The following SESTD1 variants were observed in gnomAD, a reference collection of about 807,000 sequenced individuals.
SESTD1 encodes the protein SEC14 domain and spectrin repeat-containing protein 1.
Under a neutral mutation model 101.7 loss-of-function variants are expected in SESTD1, and 43 were observed. The ratio of observed to expected loss-of-function variants is 0.42; its 90% CI spans 0.33 to 0.55. The LOEUF (loss-of-function observed/expected upper bound fraction) is 0.55. Among genes scored for constraint, SESTD1 ranks in the 20% least tolerant of loss-of-function variants. SESTD1 has a pLI of 0.07. For synonymous variants in SESTD1, 283 were observed against 286.8 expected, an observed-to-expected ratio of 0.99 and a Z score of 0.13; for missense variants, 647 against 815.1, an observed-to-expected ratio of 0.79 and a Z score of 2.51.
chr2:179,124,148 T>C (rs1238473712), intron 11 of SESTD1, among the ~76,000 whole-genome samples: 2 of 152,080 alleles, frequency 1.3e-5, no homozygotes, highest in African/African-American at 4.8e-5. Flanking sequence ...TGGAACACTC[T>C]AGTTAGACAA....
At chr2:179,234,168 TACAACATCAGCTCTTCC>T (rs1352263440) in intron 1 of SESTD1, among the ~76,000 whole-genome samples, 1 of 152,182 alleles carries the variant, frequency 6.6e-6, no homozygotes, top group Non-Finnish European at 1.5e-5. Context: ...AGACTTCATT[TACAACATCAGCTCTTCC>T]ACAACATCAG....
At chr2:179,129,608 TTGTA>T (rs1168948314) in intron 10 of SESTD1, among the ~76,000 whole-genome samples, 1 of 152,170 alleles carries the variant, frequency 6.6e-6, no homozygotes, top group African/African-American at 2.4e-5. Flanking sequence ...TAATGCAAGA[TTGTA>T]TGTTAAAAGT....
chr2:179,242,369 C>CTAATG lies in SESTD1; in HGVS notation c.-26+22129_-26+22130insCATTA, dbSNP rs1164042143. Among the ~76,000 whole-genome samples, 4 of 152,070 alleles carry CTAATG rather than the reference C, an allele frequency of 2.6e-5. No individual in the cohort carries two copies. In the East Asian group the frequency reaches 7.7e-4, roughly 29 times the overall value. ...GTTCATGAATTGGAAGAATCAACAT[C>CTAATG]ATTAAAATGGCCATACTGCCCAAAG... On this transcript the variant is annotated intron_variant, in intron 1 of 17. Transcript: ENST00000428443.
intron 1 of SESTD1, among the ~76,000 whole-genome samples, chr2:179,219,057 A>ACCC (rs2046766807): frequency 2.0e-5 from 3 of 152,190 alleles, no homozygotes; most frequent in Admixed American, 2.0e-4. Context: ...TTTTCCTTCC[A>ACCC]GCTGTCTATC....
At position 179,109,839 on chromosome 2, in the gene SESTD1, T is replaced by C. The variant is rs1245924174; in HGVS notation, c.*60A>G. The C allele has an allele frequency of 6.3e-7, 1 of 1,588,764 alleles. No homozygotes were observed. Among genetic ancestry groups the C allele is most frequent in the Non-Finnish European group, 8.6e-7 (1 of 1,166,552 alleles). On this transcript the variant is annotated 3_prime_UTR_variant, in exon 18 of 18. Coordinates refer to ENST00000428443, the MANE Select transcript of SESTD1 (RefSeq NM_178123.5). ...CATCTTAAGGTGTGGTGGCTAATGC[T>C]GTAGTATGTTGACAACATGCGGGAT...
rs181894635 is a variant in SESTD1, at chr2:179,253,821, G to T, written c.-26+10678C>A. Reference sequence around the variant, plus strand: ...TTACACCTTTTAAATTTTGAGGCCAGGCACAGTGGCTCACACCTGTAACCC... The same window carrying T: ...TTACACCTTTTAAATTTTGAGGCCATGCACAGTGGCTCACACCTGTAACCC... On this transcript the variant is annotated intron_variant, in intron 1 of 17. Coordinates refer to ENST00000428443, the MANE Select transcript of SESTD1 (RefSeq NM_178123.5). Among the ~76,000 whole-genome samples the T allele has an allele frequency of 1.3e-3, 193 of 152,258 alleles. 1 individual carries two copies. The highest frequency in any genetic ancestry group is 4.4e-3 in the African/African-American group (183 of 41,542).
In SESTD1 at chr2:179,109,571, G is replaced by T. The variant is rs965495369; in HGVS notation, c.*328C>A. 2.8e-5 allele frequency: 11 copies of T among 397,204 alleles called. No individual in the cohort carries two copies. Among genetic ancestry groups the T allele is most frequent in the Non-Finnish European group, 4.0e-5 (9 of 225,330 alleles). 24.6% of individuals were successfully genotyped at this position (397,204 alleles called of 1,614,324 possible). ...CTTTTTTTTTTCTTTTTAATAGAGA[G>T]AATTCCTACTCTTATTAGCACCATT... On this transcript the variant is annotated 3_prime_UTR_variant, in exon 18 of 18. Transcript: ENST00000428443.
chr2:179,218,114 G>C (rs992962095), intron 1 of SESTD1, among the ~76,000 whole-genome samples: 1 of 152,042 alleles, frequency 6.6e-6, no homozygotes, highest in African/African-American at 2.4e-5. Context: ...ATGTACCCTA[G>C]AACTTAAAGT....
intron 2 of SESTD1, among the ~76,000 whole-genome samples, chr2:179,188,129 T>A (rs1205289058): frequency 6.6e-6 from 1 of 152,152 alleles, no homozygotes; most frequent in Non-Finnish European, 1.5e-5. Flanking sequence ...AGAATATACA[T>A]TCTTCTCATC....
rs1435290445 is a variant in SESTD1 at position 179,199,926 on chromosome 2, G to A, written c.-25-8060C>T. 3.9e-5 allele frequency among the ~76,000 whole-genome samples: 6 copies of A among 151,998 alleles called. No individual in the cohort carries two copies. The South Asian group carries it at 1.2e-3, about 32-fold the overall frequency. ...CATAGTGTTGGAAGTTCTGGCCAGG[G>A]CAATTAGGCAGGAGAAGGAAATAAA... On this transcript the variant is annotated intron_variant, in intron 1 of 17. Coordinates refer to ENST00000428443, the MANE Select transcript of SESTD1 (RefSeq NM_178123.5).
At chr2:179,193,876 G>A (rs1038695080) in intron 1 of SESTD1, among the ~76,000 whole-genome samples, 10 of 152,062 alleles carry the variant, frequency 6.6e-5, no homozygotes, top group East Asian at 5.8e-4. Flanking sequence ...GAATCCTCCC[G>A]GCCACCAGGT....
intron 4 of SESTD1, chr2:179,174,589 G>T (rs941687547): frequency 8.0e-6 from 3 of 373,576 alleles, no homozygotes; most frequent in African/African-American, 6.5e-5. Context: ...ATATAAAAGT[G>T]CTGGAAGCAC....
In SESTD1 at chr2:179,191,819, G is replaced by A. The variant is rs772521433; in HGVS notation, c.23C>T (p.Pro8Leu). MEASVILPILKKKLAFLS... is the reference protein window; with the variant it reads MEASVILLILKKKLAFLS... ...GAAGGCTAGTTTTTTCTTCAGAATG[G>A]GTAATATTACTGAGGCCTCCATTTT... The change falls in exon 2 of 18, where the codon CCC (proline) becomes CTC (leucine). Residue 8 changes from proline to leucine, a missense_variant. Around this residue, in one of 3 missense-constraint regions of SESTD1, gnomAD observed 168 missense variants for 235.1 expected, o/e 0.71. Transcript: ENST00000428443. 7 of 1,612,468 alleles carry A rather than the reference G, an allele frequency of 4.3e-6. No individual in the cohort carries two copies. The highest frequency in any genetic ancestry group is 5.9e-6 in the Non-Finnish European group (7 of 1,179,256).
chr2:179,105,316 T>G lies in SESTD1; in HGVS notation c.*4583A>C, dbSNP rs1215967691. On this transcript the variant is annotated 3_prime_UTR_variant, in exon 18 of 18. Transcript: ENST00000428443. Reference sequence around the variant, plus strand: ...TTTTACTTGTGTCTATTAACAGGGTTATGTCACACCTTGTCAACCTCAAAA... The same window carrying G: ...TTTTACTTGTGTCTATTAACAGGGTGATGTCACACCTTGTCAACCTCAAAA... 6.6e-6 allele frequency: 1 copy of G among 152,094 alleles called. No individual in the cohort carries two copies. Among genetic ancestry groups the G allele is most frequent in the Non-Finnish European group, 1.5e-5 (1 of 68,022 alleles). 9.4% of individuals were successfully genotyped at this position (152,094 alleles called of 1,614,324 possible).
intron 14 of SESTD1, 42 bp downstream of exon 14, chr2:179,117,489 TC>T (rs1365007105): frequency 3.3e-6 from 5 of 1,494,624 alleles, no homozygotes; most frequent in Non-Finnish European, 4.5e-6. Context: ...AAATCAATCT[TC>T]TAAGAAAAGT....
At chr2:179,204,996 C>A (rs1048110143) in intron 1 of SESTD1, among the ~76,000 whole-genome samples, 5 of 134,668 alleles carry the variant, frequency 3.7e-5, no homozygotes, top group African/African-American at 1.5e-4. Flanking sequence ...GAGACAAATT[C>A]TCAGCTGCCT....
chr2:179,158,736 T>G (rs1213917582), intron 5 of SESTD1, among the ~76,000 whole-genome samples: 1 of 152,212 alleles, frequency 6.6e-6, no homozygotes, highest in African/African-American at 2.4e-5. Flanking sequence ...ATAAAACATT[T>G]TATACAATCC....
At chr2:179,181,144 G>T (rs967921315) in intron 3 of SESTD1, among the ~76,000 whole-genome samples, 3 of 152,114 alleles carry the variant, frequency 2.0e-5, no homozygotes, top group African/African-American at 7.2e-5. Context: ...GAAAGAGAAA[G>T]AAAAAATTTA....
chr2:179,175,187 C>T (rs1575462264), intron 4 of SESTD1, among the ~76,000 whole-genome samples: 1 of 151,808 alleles, frequency 6.6e-6, no homozygotes, highest in Non-Finnish European at 1.5e-5. Context: ...GGTTGTGAGG[C>T]CAAAATTAAA....
Sources: allele counts gnomAD v4.1 joint callset (sites outside exome capture counted in the v4.1 genomes callset), GRCh38; gene constraint gnomAD v4.1.1; regional missense constraint gnomAD v4.1.1; transcripts MANE v1.5; gene names NCBI Gene and HGNC (gene_info 2026-07-23, HGNC 2026-07-21).